Variants in UCHL1 observed in about 807,000 individuals in gnomAD.
The protein encoded by UCHL1 is ubiquitin carboxyl-terminal hydrolase isozyme L1.
A neutral mutation model predicts 33.3 loss-of-function variants in UCHL1; 5 were observed. The observed-to-expected ratio is 0.15, with a 90% confidence interval of 0.08 to 0.32. The LOEUF (loss-of-function observed/expected upper bound fraction) is 0.32. Ranked by LOEUF, UCHL1 falls within the 10% of genes least tolerant of loss-of-function variation. The pLI, the probability that UCHL1 is intolerant of heterozygous loss-of-function variation, is 1.00. For missense variants in UCHL1, 236 were observed against 280.0 expected, an observed-to-expected ratio of 0.84 and a Z score of 1.12; for synonymous variants, 132 against 108.8, an observed-to-expected ratio of 1.21 and a Z score of -1.33.
In UCHL1 at chr4:41,261,914, C is replaced by G; in HGVS notation, c.450C>G (p.Gly150=). The change falls in exon 6 of 9, where the codon GGC becomes GGG. Residue 150 remains glycine (G), a synonymous_variant. Coordinates refer to ENST00000284440, the MANE Select transcript of UCHL1 (RefSeq NM_004181.5). The part of the protein sequence containing the change: ...QAAHDAVAQE[G]QCRVDDKVNF... Reference sequence around the variant, plus strand: ...CCCATGATGCCGTGGCACAGGAAGGCCAATGTCGGGTAAATGCAAATACAA... The same window carrying G: ...CCCATGATGCCGTGGCACAGGAAGGGCAATGTCGGGTAAATGCAAATACAA... The G allele has an allele frequency of 1.2e-6, 2 of 1,614,116 alleles. No homozygotes were observed. Among genetic ancestry groups the G allele is most frequent in the Non-Finnish European group, 1.7e-6 (2 of 1,180,032 alleles).
chr4:41,263,583 G>A (rs919371936), intron 7 of UCHL1, among the ~76,000 whole-genome samples: 1 of 152,162 alleles, frequency 6.6e-6, no homozygotes, highest in Non-Finnish European at 1.5e-5. Flanking sequence ...GAACATGTTG[G>A]AATAACTTCT....
intron 2 of UCHL1, 67 bp from the exon 3 acceptor site, chr4:41,257,542 G>A (rs1780998676): frequency 2.1e-6 from 3 of 1,420,854 alleles, no homozygotes; most frequent in South Asian, 3.0e-5. Context: ...TCCTGGCCCC[G>A]CCCCCTGGCA....
At chr4:41,260,546 A>G in intron 3 of UCHL1, 101 bp from the exon 4 acceptor site, 1 of 1,419,126 alleles carries the variant, frequency 7.0e-7, no homozygotes, top group Non-Finnish European at 9.8e-7. Flanking sequence ...TTCTGGTCAC[A>G]CATCCCACTG....
In UCHL1 at chr4:41,261,731, G is replaced by C; in HGVS notation, c.342G>C (p.Leu114=). ...TTTTTTAAGAGGATGGATCAGTTCT[G>C]AAACAGTTTCTTTCTGAAACAGAGA... is the stretch of plus-strand genomic sequence containing the variant. The part of the protein sequence containing the change: ...DKLGFEDGSV[L]KQFLSETEKM... The change falls in exon 5 of 9, where the codon CTG becomes CTC. Residue 114 remains leucine, a synonymous_variant. Coordinates refer to ENST00000284440, the MANE Select transcript of UCHL1 (RefSeq NM_004181.5). 1 of 1,612,494 alleles carries C rather than the reference G, an allele frequency of 6.2e-7. No homozygotes were observed. Among genetic ancestry groups the C allele is most frequent in the Non-Finnish European group, 8.5e-7 (1 of 1,180,006 alleles).
chr4:41,261,584 C>G, intron 4 of UCHL1, 131 bp from the exon 5 acceptor site: 1 of 945,154 alleles, frequency 1.1e-6, no homozygotes, highest in Non-Finnish European at 1.6e-6. Flanking sequence ...AGGTACAGCT[C>G]ATCCACAACC....
In UCHL1 at chr4:41,257,598, C is replaced by T. The variant is rs1322339562; in HGVS notation, c.46-11C>T. ...CCCCGTGCGCCTGGCCGCCTTGTCT[C>T]CTCTCCGCAGGTGCTGTCCCGGCTG... On this transcript the variant is annotated splice_polypyrimidine_tract_variant and intron_variant, in intron 2 of 8. Transcript: ENST00000284440. The T allele has an allele frequency of 1.3e-6, 2 of 1,523,700 alleles. No individual in the cohort carries two copies. Among genetic ancestry groups the T allele is most frequent in the Non-Finnish European group, 1.7e-6 (2 of 1,142,956 alleles). 94.4% of individuals were successfully genotyped at this position (1,523,700 alleles called of 1,614,324 possible). A position where few individuals can be genotyped will look rare whatever the true frequency, so the allele number is the denominator to read the frequency against.
chr4:41,266,231 T>G (rs1446708603), intron 8 of UCHL1, among the ~76,000 whole-genome samples: 4 of 151,776 alleles, frequency 2.6e-5, no homozygotes, highest in Admixed American at 6.6e-5. Context: ...TAAAACTTTT[T>G]TTTTTTTTTT....
chr4:41,257,468 G>A (rs556171924), intron 2 of UCHL1, 141 bp from the exon 3 acceptor site: 19 of 1,162,728 alleles, frequency 1.6e-5, no homozygotes, highest in Admixed American at 4.0e-5. Context: ...CGGCCCGGGT[G>A]GGGGTGGCAG....
Position 41,268,145 on chromosome 4 carries a change from T to TC in UCHL1, c.*73dup, listed in dbSNP as rs776684041. On this transcript the variant is annotated 3_prime_UTR_variant, in exon 9 of 9. Transcript: ENST00000284440. The stretch of plus-strand genomic sequence containing the variant: ...TGAAAATATATACCCCCCCATGCAG[T>TC]CTAAAATGCTTCAGTACTTGTGAAA... 4.6e-5 allele frequency: 64 copies of TC among 1,387,504 alleles called. No individual in the cohort carries two copies. Among genetic ancestry groups the TC allele is most frequent in the Non-Finnish European group, 6.3e-5 (62 of 990,984 alleles). The allele number at this position is 1,387,504 out of a possible 1,614,324, so 85.9% of individuals were successfully genotyped here. A position where few individuals can be genotyped will look rare whatever the true frequency, so the allele number is the denominator to read the frequency against.
chr4:41,260,878 A>G (rs1383178029), intron 4 of UCHL1, 81 bp downstream of exon 4: 10 of 1,595,048 alleles, frequency 6.3e-6, no homozygotes, highest in Non-Finnish European at 8.6e-6. Flanking sequence ...TCCCGAGGTC[A>G]GAGATGCTGT....
chr4:41,268,240 A>C lies in UCHL1; in HGVS notation c.*167A>C. On this transcript the variant is annotated 3_prime_UTR_variant, in exon 9 of 9. Coordinates refer to ENST00000284440, the MANE Select transcript of UCHL1 (RefSeq NM_004181.5). ...CACCCAGGCACTTAAGCACAAGCAG[A>C]GTGCACAGCTGTCCACTGGGCCATT... 1.5e-6 allele frequency: 1 copy of C among 680,246 alleles called. No homozygotes were observed. Among genetic ancestry groups the C allele is most frequent in the Non-Finnish European group, 2.6e-6 (1 of 382,004 alleles). The allele number at this position is 680,246 out of a possible 1,614,324, so 42.1% of individuals were successfully genotyped here. A position where few individuals can be genotyped will look rare whatever the true frequency, so the allele number is the denominator to read the frequency against.
At chr4:41,262,256 G>A (rs1781081702) in intron 6 of UCHL1, among the ~76,000 whole-genome samples, 1 of 152,172 alleles carries the variant, frequency 6.6e-6, no homozygotes, top group South Asian at 2.1e-4. Flanking sequence ...GAGCCCAGGA[G>A]TTTGAGACCA....
At position 41,268,234 on chromosome 4, in the gene UCHL1, A is replaced by G; in HGVS notation, c.*161A>G. The G allele has an allele frequency of 1.4e-6, 1 of 701,884 alleles. No homozygotes were observed. Among genetic ancestry groups the G allele is most frequent in the South Asian group, 1.7e-5 (1 of 60,480 alleles). 43.5% of individuals were successfully genotyped at this position (701,884 alleles called of 1,614,324 possible). A position where few individuals can be genotyped will look rare whatever the true frequency, so the allele number is the denominator to read the frequency against. On this transcript the variant is annotated 3_prime_UTR_variant, in exon 9 of 9. Transcript: ENST00000284440. ...CAGCCACACCCAGGCACTTAAGCAC[A>G]AGCAGAGTGCACAGCTGTCCACTGG...
At chr4:41,267,231 G>GT (rs35305367) in intron 8 of UCHL1, among the ~76,000 whole-genome samples, 3 of 149,308 alleles carry the variant, frequency 2.0e-5, no homozygotes, top group African/African-American at 4.9e-5. Context: ...CGTTAAGGCT[G>GT]TTTTTTTTTT....
At chr4:41,259,197 A>G (rs965601689) in intron 3 of UCHL1, among the ~76,000 whole-genome samples, 1 of 152,222 alleles carries the variant, frequency 6.6e-6, no homozygotes, top group Non-Finnish European at 1.5e-5. Context: ...TGGACAAAAC[A>G]CTGAAGCCGA....
At chr4:41,263,696 C>T (rs995086769) in intron 7 of UCHL1, among the ~76,000 whole-genome samples, 2 of 152,220 alleles carry the variant, frequency 1.3e-5, no homozygotes, top group Admixed American at 6.5e-5. Context: ...AGCCAAGATA[C>T]GACCTACAGG....
chr4:41,258,900 G>T (rs1781026782), intron 3 of UCHL1, among the ~76,000 whole-genome samples: 1 of 152,212 alleles, frequency 6.6e-6, no homozygotes, highest in Non-Finnish European at 1.5e-5. Context: ...TAGCTTCCTG[G>T]TTGACCAAAT....
Position 41,268,297 on chromosome 4 carries a change from C to T in UCHL1, c.*224C>T. The T allele has an allele frequency of 1.7e-6, 1 of 599,998 alleles. No homozygotes were observed. Among genetic ancestry groups the T allele is most frequent in the South Asian group, 2.0e-5 (1 of 50,822 alleles). 37.2% of individuals were successfully genotyped at this position (599,998 alleles called of 1,614,324 possible). On this transcript the variant is annotated 3_prime_UTR_variant, in exon 9 of 9. Coordinates refer to ENST00000284440, the MANE Select transcript of UCHL1 (RefSeq NM_004181.5). ...TGAGCTTCAGATGGTGAAGCATTCTCCCCAGTGTATGTCTTGTATCCGATA... is the reference window on the plus strand; with the variant it reads ...TGAGCTTCAGATGGTGAAGCATTCTTCCCAGTGTATGTCTTGTATCCGATA...
At chr4:41,264,259 C>A (rs962700124) in intron 8 of UCHL1, 98 bp downstream of exon 8, 1 of 1,492,038 alleles carries the variant, frequency 6.7e-7, no homozygotes, top group Non-Finnish European at 9.3e-7. Context: ...TAGCCAGCAT[C>A]AGTTGCCTGG....
Sources: gnomAD v4.1 joint callset for allele counts (sites outside exome capture counted in the v4.1 genomes callset) on GRCh38, gnomAD v4.1.1 for gene constraint, MANE v1.5 for transcripts, NCBI Gene and HGNC (gene_info 2026-07-23, HGNC 2026-07-21) for gene names.